Variants in CCDC7 observed in about 807,000 individuals in gnomAD.
The protein encoded by CCDC7 is coiled-coil domain-containing protein 7.
Under a neutral mutation model 196.9 loss-of-function variants are expected in CCDC7, and 183 were observed. The observed-to-expected ratio is 0.93, with a 90% confidence interval of 0.82 to 1.05. CCDC7 has a LOEUF of 1.05. CCDC7 is among the 50% of genes least tolerant of loss of function. The pLI is 0.00. For missense variants in CCDC7, 1,540 were observed against 1,482.2 expected, an observed-to-expected ratio of 1.04 and a Z score of -0.64; for synonymous variants, 525 against 484.6, an observed-to-expected ratio of 1.08 and a Z score of -1.10.
At chr10:32,802,802 C>T (rs577889136) in intron 29 of CCDC7, among the ~76,000 whole-genome samples, 1 of 152,300 alleles carries the variant, frequency 6.6e-6, no homozygotes, top group East Asian at 1.9e-4. Context: ...TGTTGAAGGG[C>T]AGGAAGCATC....
At chr10:32,529,604 T>G (rs1361263564) in intron 11 of CCDC7, among the ~76,000 whole-genome samples, 1 of 152,196 alleles carries the variant, frequency 6.6e-6, no homozygotes. Context: ...CTTAGCCTGC[T>G]TTTTAGTGGG....
intron 20 of CCDC7, among the ~76,000 whole-genome samples, chr10:32,650,280 A>C (rs558556994): frequency 3.9e-4 from 59 of 152,132 alleles, no homozygotes; most frequent in Non-Finnish European, 7.3e-4. Context: ...TATTAAAGTG[A>C]TTTTTGGTGT....
chr10:32,501,191 G>A (rs1293965513), intron 9 of CCDC7, among the ~76,000 whole-genome samples: 1 of 151,942 alleles, frequency 6.6e-6, no homozygotes, highest in Non-Finnish European at 1.5e-5. Context: ...ACTTGTGTAT[G>A]CTTCACAAAG....
intron 23 of CCDC7, among the ~76,000 whole-genome samples, chr10:32,690,413 GA>G (rs1312154708): frequency 6.6e-6 from 1 of 152,066 alleles, no homozygotes; most frequent in Non-Finnish European, 1.5e-5. Context: ...ACATCTAAGT[GA>G]AAAAAAGATA....
At position 32,560,393 on chromosome 10, in the gene CCDC7, A is replaced by G. The variant is rs2055267943; in HGVS notation, c.1135-5165A>G. Among the ~76,000 whole-genome samples the G allele has an allele frequency of 2.0e-5, 3 of 151,128 alleles. No individual in the cohort carries two copies. In the South Asian group the frequency reaches 6.3e-4, roughly 32 times the overall value. ...TGTCAGATTCACCAAAGTTGAAATGAAGGAAAAAATGTTAAGGGCAGCCAG... is the reference window on the plus strand; with the variant it reads ...TGTCAGATTCACCAAAGTTGAAATGGAGGAAAAAATGTTAAGGGCAGCCAG... On this transcript the variant is annotated intron_variant, in intron 13 of 41. Coordinates refer to ENST00000639629, the Ensembl canonical transcript of CCDC7.
At chr10:32,766,055 T>C (rs2078242796) in intron 28 of CCDC7, among the ~76,000 whole-genome samples, 1 of 152,060 alleles carries the variant, frequency 6.6e-6, no homozygotes. Flanking sequence ...ATTGATGATA[T>C]GCTGACTGGA....
At chr10:32,511,214 G>T (rs2046061899) in intron 9 of CCDC7, 1 of 629,488 alleles carries the variant, frequency 1.6e-6, no homozygotes, top group African/African-American at 2.2e-5. Flanking sequence ...ATATTAATAA[G>T]AAACACATTT....
At chr10:32,556,440 A>AT (rs1269815070) in intron 13 of CCDC7, among the ~76,000 whole-genome samples, 2 of 152,138 alleles carry the variant, frequency 1.3e-5, no homozygotes, top group Non-Finnish European at 2.9e-5. Flanking sequence ...AAACATAGAA[A>AT]TTTTTATCAT....
intron 2 of CCDC7, among the ~76,000 whole-genome samples, chr10:32,456,017 T>C (rs533523190): frequency 6.6e-6 from 1 of 152,224 alleles, no homozygotes; most frequent in East Asian, 1.9e-4. Context: ...AGGAGAGACA[T>C]GGCTGGGTAT....
intron 3 of CCDC7, among the ~76,000 whole-genome samples, chr10:32,457,556 A>G (rs1042505409): frequency 2.6e-5 from 4 of 152,188 alleles, no homozygotes; most frequent in Admixed American, 6.5e-5. Flanking sequence ...CAGTAGTGGA[A>G]TTGCTGGATC....
intron 29 of CCDC7, among the ~76,000 whole-genome samples, chr10:32,785,521 T>G (rs959337838): frequency 4.6e-5 from 7 of 152,022 alleles, no homozygotes; most frequent in Admixed American, 2.0e-4. Context: ...ACTAAAAAGT[T>G]AGGATTATAA....
chr10:32,777,952 AG>A (rs1281581457), intron 28 of CCDC7, among the ~76,000 whole-genome samples: 1 of 152,180 alleles, frequency 6.6e-6, no homozygotes, highest in African/African-American at 2.4e-5. Context: ...AGTGATGTGG[AG>A]CATTTTTTCA....
intron 24 of CCDC7, among the ~76,000 whole-genome samples, chr10:32,699,301 G>A (rs944010904): frequency 2.7e-5 from 4 of 148,840 alleles, no homozygotes; most frequent in African/African-American, 9.9e-5. Context: ...AGAACATGTG[G>A]TGTTTGGTTT....
chr10:32,490,723 G>A (rs964309989), intron 8 of CCDC7, among the ~76,000 whole-genome samples: 15 of 152,010 alleles, frequency 9.9e-5, no homozygotes, highest in Admixed American at 1.3e-4. Context: ...CAGTGAACCC[G>A]GGAGGCAGAG....
rs548506196 is a variant in CCDC7, at chr10:32,561,944, C to T, written c.1135-3614C>T. On this transcript the variant is annotated intron_variant, in intron 13 of 41. Coordinates refer to ENST00000639629, the Ensembl canonical transcript of CCDC7. ...AGAAAAGAGAGAAGAATCAAATAGACGCAATAAAAAATGATAAAGGGGATA... is the reference window on the plus strand; with the variant it reads ...AGAAAAGAGAGAAGAATCAAATAGATGCAATAAAAAATGATAAAGGGGATA... Among the ~76,000 whole-genome samples the T allele has an allele frequency of 1.8e-4, 27 of 152,052 alleles. 1 individual carries two copies. In the Middle Eastern group the frequency reaches 0.014, roughly 77 times the overall value.
chr10:32,879,670 C>G (rs1468458644), downstream of CCDC7, among the ~76,000 whole-genome samples: 2 of 151,530 alleles, frequency 1.3e-5, no homozygotes, highest in Non-Finnish European at 2.9e-5. Context: ...GGTATTAAGC[C>G]TCGCATGCAT....
upstream of CCDC7, chr10:32,451,450 AG>A (rs1475324108): frequency 3.1e-6 from 2 of 641,512 alleles, no homozygotes; most frequent in Non-Finnish European, 4.7e-6. Flanking sequence ...GACTCAAAAA[AG>A]CCTGAAGTGT....
At chr10:32,702,250 T>G (rs2078884394) in intron 24 of CCDC7, among the ~76,000 whole-genome samples, 1 of 152,226 alleles carries the variant, frequency 6.6e-6, no homozygotes, top group Non-Finnish European at 1.5e-5. Flanking sequence ...AAAGAACATC[T>G]TTATTTCTGC....
At chr10:32,699,125 A>G (rs995664404) in intron 24 of CCDC7, among the ~76,000 whole-genome samples, 6 of 152,020 alleles carry the variant, frequency 3.9e-5, no homozygotes, top group Non-Finnish European at 8.8e-5. Flanking sequence ...ACATATGTAT[A>G]CATGTGCCAT....
Sources: gnomAD v4.1 joint callset for allele counts (sites outside exome capture counted in the v4.1 genomes callset) on GRCh38, gnomAD v4.1.1 for gene constraint, MANE v1.5 for transcripts, NCBI Gene and HGNC (gene_info 2026-07-23, HGNC 2026-07-21) for gene names.